Variants in SLIT2 observed in about 807,000 individuals in gnomAD.
SLIT2 encodes the protein slit guidance ligand 2.
SLIT2 carries 41 observed loss-of-function variants against 185.7 expected under a neutral mutation model. That is an observed-to-expected ratio of 0.22 (90% CI 0.17 to 0.29). SLIT2 has a LOEUF of 0.29. Among genes scored for constraint, SLIT2 ranks in the 10% least tolerant of loss-of-function variants. The pLI is 1.00. For missense variants in SLIT2, 1,571 were observed against 1,909.0 expected (o/e 0.82, Z 3.30); for synonymous variants, 693 against 680.2 (o/e 1.02, Z -0.29).
intron 4 of SLIT2, among the ~76,000 whole-genome samples, chr4:20,385,983 T>C (rs1229561259): frequency 6.6e-6 from 1 of 152,186 alleles, no homozygotes; most frequent in South Asian, 2.1e-4. Flanking sequence ...ATCTAGAAAC[T>C]ACATACATTT....
chr4:20,259,443 G>C (rs1306016507), intron 3 of SLIT2, among the ~76,000 whole-genome samples: 1 of 151,704 alleles, frequency 6.6e-6, no homozygotes, highest in African/African-American at 2.4e-5. Flanking sequence ...AGTATCTTGA[G>C]TTTAGTTGTT....
Position 20,553,743 on chromosome 4 carries a change from GTGTGTGTGTGTGTA to G in SLIT2, c.2562-37_2562-24del, listed in dbSNP as rs370258807. ...TAACAATACTTCCATACTTGTGTGT[GTGTGTGTGTGTGTA>G]TGTGTGTGTGTGTATGTGTGTGTGC... On this transcript the variant is annotated intron_variant, in intron 25 of 36. Transcript: ENST00000504154. The G allele has an allele frequency of 3.5e-3, 4,508 of 1,290,582 alleles. 6 individuals carry two copies. The highest frequency in any genetic ancestry group is 3.9e-3 in the Non-Finnish European group (3,775 of 978,636). The allele number at this position is 1,290,582 out of a possible 1,614,324, so 79.9% of individuals were successfully genotyped here.
At chr4:20,473,114 C>G (rs928574759) in intron 5 of SLIT2, among the ~76,000 whole-genome samples, 1 of 151,818 alleles carries the variant, frequency 6.6e-6, no homozygotes, top group Admixed American at 6.6e-5. Flanking sequence ...ACCACACCTG[C>G]TTTCTGCTGC....
chr4:20,382,293 C>G (rs897769673), intron 4 of SLIT2, among the ~76,000 whole-genome samples: 2 of 152,062 alleles, frequency 1.3e-5, no homozygotes, highest in Non-Finnish European at 2.9e-5. Context: ...AGTTCAGGAA[C>G]AAGACAAGGA....
At chr4:20,478,987 T>C (rs1206706060) in intron 5 of SLIT2, among the ~76,000 whole-genome samples, 1 of 152,204 alleles carries the variant, frequency 6.6e-6, no homozygotes, top group Non-Finnish European at 1.5e-5. Context: ...TACTTCTGCA[T>C]TATGTCTTAA....
chr4:20,254,068 C>T lies in SLIT2; in HGVS notation c.179+74C>T. The T allele has an allele frequency of 6.9e-7, 1 of 1,451,766 alleles. No homozygotes were observed. The highest frequency in any genetic ancestry group is 9.4e-7 in the Non-Finnish European group (1 of 1,061,480). 89.9% of individuals were successfully genotyped at this position (1,451,766 alleles called of 1,614,324 possible). A position where few individuals can be genotyped will look rare whatever the true frequency, so the allele number is the denominator to read the frequency against. Reference sequence around the variant, plus strand: ...CCCTGCCTCCACTGGAGGAACCTGTCAGCTCAGGGTCCTGTGCCTGGGGCA... The same window carrying T: ...CCCTGCCTCCACTGGAGGAACCTGTTAGCTCAGGGTCCTGTGCCTGGGGCA... On this transcript the variant is annotated intron_variant, in intron 1 of 36. Coordinates refer to ENST00000504154, the MANE Select transcript of SLIT2 (RefSeq NM_004787.4). The surrounding 1 kb of genome is among the most constrained non-coding windows in gnomAD (Gnocchi z 5.1).
At position 20,472,588 on chromosome 4, in the gene SLIT2, A is replaced by ATAGATATATCTAGATATATC. The variant is rs373138612; in HGVS notation, c.467+4765_467+4766insTAGATATATCTAGATATATC. Among the ~76,000 whole-genome samples, 2 of 12,316 alleles carry ATAGATATATCTAGATATATC rather than the reference A, an allele frequency of 1.6e-4. 1 individual carries two copies. Among genetic ancestry groups the ATAGATATATCTAGATATATC allele is most frequent in the Non-Finnish European group, 2.4e-4 (2 of 8,396 alleles). The allele number at this position is 12,316 out of a possible 152,430, so 8.1% of individuals were successfully genotyped here. On this transcript the variant is annotated intron_variant, in intron 5 of 36. Coordinates refer to ENST00000504154, the MANE Select transcript of SLIT2 (RefSeq NM_004787.4). ...TCTATATATAGATATATCTATATATAGATATATATCTATAGATATATCTAT... is the reference window on the plus strand; with the variant it reads ...TCTATATATAGATATATCTATATATATAGATATATCTAGATATATCGATATATATCTATAGATATATCTAT...
intron 32 of SLIT2, among the ~76,000 whole-genome samples, chr4:20,596,893 A>C (rs566715056): frequency 1.3e-5 from 2 of 152,076 alleles, no homozygotes; most frequent in Non-Finnish European, 2.9e-5. Flanking sequence ...TAAAAAAAAA[A>C]ATATGTCTCT....
chr4:20,371,282 G>A (rs1457444868), intron 4 of SLIT2, among the ~76,000 whole-genome samples: 1 of 151,836 alleles, frequency 6.6e-6, no homozygotes, highest in African/African-American at 2.4e-5. Flanking sequence ...CACTGGCCTT[G>A]ATGCTCACAC....
chr4:20,499,118 A>G (rs1346048961), intron 9 of SLIT2, among the ~76,000 whole-genome samples: 1 of 152,128 alleles, frequency 6.6e-6, no homozygotes, highest in African/African-American at 2.4e-5. Context: ...AACAATTGCT[A>G]TTATTTATCT....
chr4:20,264,816 C>T (rs1386152743), intron 3 of SLIT2, among the ~76,000 whole-genome samples: 1 of 151,938 alleles, frequency 6.6e-6, no homozygotes, highest in Non-Finnish European at 1.5e-5. Flanking sequence ...CAGAGACATA[C>T]ATTACACACC....
At chr4:20,554,329 T>C (rs1478947258) in intron 26 of SLIT2, 2 of 462,438 alleles carry the variant, frequency 4.3e-6, no homozygotes, top group African/African-American at 4.0e-5. Flanking sequence ...CCCTGTGGCT[T>C]CCTCATACCA....
chr4:20,262,352 G>T lies in SLIT2; in HGVS notation c.323+4413G>T, dbSNP rs149882589. ...TTTTGTTGTAGGTCTTTACACATGA[G>T]TTCAAGTAGAGAATATGTTGTGGAA... On this transcript the variant is annotated intron_variant, in intron 3 of 36. Transcript: ENST00000504154. Among the ~76,000 whole-genome samples the T allele has an allele frequency of 9.2e-5, 14 of 151,848 alleles. No homozygotes were observed. In the East Asian group the frequency reaches 2.7e-3, roughly 29 times the overall value.
chr4:20,380,849 C>T (rs144273268), intron 4 of SLIT2, among the ~76,000 whole-genome samples: 106 of 152,132 alleles, frequency 7.0e-4, no homozygotes, highest in East Asian at 1.2e-3. Flanking sequence ...TAATAAAATA[C>T]GTGTAAAAAT....
At chr4:20,268,049 C>T (rs1560268937) in intron 3 of SLIT2, among the ~76,000 whole-genome samples, 1 of 151,858 alleles carries the variant, frequency 6.6e-6, no homozygotes, top group Non-Finnish European at 1.5e-5. Context: ...GATATGACTA[C>T]ATCACAGATA....
At chr4:20,480,883 C>A in intron 6 of SLIT2, 96 bp downstream of exon 6, 1 of 874,854 alleles carries the variant, frequency 1.1e-6, no homozygotes, top group South Asian at 1.4e-5. Context: ...ACCTTGTTGT[C>A]AAAATAGTCT....
intron 32 of SLIT2, 63 bp downstream of exon 32, chr4:20,596,718 A>T: frequency 6.7e-7 from 1 of 1,503,240 alleles, no homozygotes; most frequent in African/African-American, 1.4e-5. Flanking sequence ...GAGAATAAAC[A>T]TTTGTGGTAG....
chr4:20,513,366 C>T (rs921501255), intron 11 of SLIT2, among the ~76,000 whole-genome samples: 2 of 152,216 alleles, frequency 1.3e-5, no homozygotes, highest in Non-Finnish European at 2.9e-5. Context: ...AGAAAGCCCA[C>T]GTGTTATAAC....
intron 4 of SLIT2, chr4:20,394,436 T>C (rs1725716708): frequency 1.3e-5 from 2 of 151,952 alleles, no homozygotes; most frequent in South Asian, 2.1e-4. Context: ...AATAATAAGA[T>C]TTTACCCCCA....
Sources: allele counts gnomAD v4.1 joint callset (sites outside exome capture counted in the v4.1 genomes callset), GRCh38; gene constraint gnomAD v4.1.1; non-coding constraint Gnocchi (gnomAD v3.1); transcripts MANE v1.5; gene names NCBI Gene and HGNC (gene_info 2026-07-23, HGNC 2026-07-21).